Variants in KIF1B observed in about 807,000 individuals in gnomAD.
The protein encoded by KIF1B is kinesin family member 1B, also known as kinesin-like protein KIF1B.
KIF1B carries 76 observed loss-of-function variants against 241.9 expected under a neutral mutation model. That is an observed-to-expected ratio of 0.31 (90% CI 0.26 to 0.38). The LOEUF is 0.38. Among genes scored for constraint, KIF1B ranks in the 10% least tolerant of loss-of-function variants. The pLI is 1.00. For synonymous variants in KIF1B, 750 were observed against 796.7 expected, an observed-to-expected ratio of 0.94 and a Z score of 0.99; for missense variants, 1,622 against 2,271.4, an observed-to-expected ratio of 0.71 and a Z score of 5.81.
chr1:10,338,130 C>T (rs908316171), intron 31 of KIF1B, among the ~76,000 whole-genome samples: 10 of 152,068 alleles, frequency 6.6e-5, no homozygotes, highest in Non-Finnish European at 5.9e-5. Flanking sequence ...GTTTTAATAC[C>T]TCCAAACTTC....
chr1:10,294,317 G>T (rs1650152059), intron 17 of KIF1B, among the ~76,000 whole-genome samples: 1 of 151,944 alleles, frequency 6.6e-6, no homozygotes, highest in South Asian at 2.1e-4. Flanking sequence ...TTTCTTTAAG[G>T]TAAAGACTAA....
chr1:10,310,633 A>G (rs1030114011), intron 22 of KIF1B, among the ~76,000 whole-genome samples: 1 of 150,042 alleles, frequency 6.7e-6, no homozygotes, highest in African/African-American at 2.5e-5. Flanking sequence ...ATAAATATTT[A>G]TCTAAAAGAT....
At chr1:10,298,856 T>G (rs1391725111) in intron 22 of KIF1B, 1 of 151,672 alleles carries the variant, frequency 6.6e-6, no homozygotes, top group Non-Finnish European at 1.5e-5. Flanking sequence ...TTACCTCCAG[T>G]TGAGGAAACC....
chr1:10,344,310 C>T (rs1176834090), intron 34 of KIF1B, among the ~76,000 whole-genome samples: 1 of 152,180 alleles, frequency 6.6e-6, no homozygotes, highest in Non-Finnish European at 1.5e-5. Flanking sequence ...TGAATTAGCT[C>T]CACCTTAGAT....
rs1651460804 is a variant in KIF1B at position 10,320,055 on chromosome 1, A to C, written c.2128A>C (p.Lys710Gln). 6.2e-7 allele frequency: 1 copy of C among 1,611,928 alleles called. No homozygotes were observed. The highest frequency in any genetic ancestry group is 1.7e-5 in the Admixed American group (1 of 59,984). Reference sequence around the variant, plus strand: ...TCTTTTCATTCAGGACTATGAGAGTAAATTGCAGGCCTTGCAGAAGCAGGT... The same window carrying C: ...TCTTTTCATTCAGGACTATGAGAGTCAATTGCAGGCCTTGCAGAAGCAGGT... Reference protein sequence around the residue: ...LEQQRLDYESKLQALQKQVET... With the variant: ...LEQQRLDYESQLQALQKQVET... The change falls in exon 23 of 49, where the codon AAA (lysine) becomes CAA (glutamine). Residue 710 changes from lysine to glutamine, a missense_variant. This residue lies in a region of KIF1B where 803 missense variants were observed against 1,112.0 expected (regional missense o/e 0.72). Transcript: ENST00000676179.
In KIF1B at chr1:10,282,304, CTTCT is replaced by C; in HGVS notation, c.1223-13_1223-10del. ...CTTTTCCCTACTTTTCCTGCCTTCT[CTTCT>C]TTCTATCTCCCAGATCTGAAAGATT... On this transcript the variant is annotated splice_polypyrimidine_tract_variant and intron_variant, in intron 14 of 48. Transcript: ENST00000676179. 1 of 1,601,856 alleles carries C rather than the reference CTTCT, an allele frequency of 6.2e-7. No individual in the cohort carries two copies. Among genetic ancestry groups the C allele is most frequent in the South Asian group, 1.1e-5 (1 of 90,704 alleles).
chr1:10,339,112 A>T (rs1468368952), intron 31 of KIF1B, among the ~76,000 whole-genome samples: 2 of 152,174 alleles, frequency 1.3e-5, no homozygotes, highest in East Asian at 3.8e-4. Context: ...GAACGATAAC[A>T]TCTCACTATC....
chr1:10,371,357 C>T (rs1387505358), intron 45 of KIF1B, 95 bp downstream of exon 45: 1 of 1,438,556 alleles, frequency 7.0e-7, no homozygotes, highest in Non-Finnish European at 9.7e-7. Context: ...GAAGGCAGCA[C>T]CTTCTCCCTA....
intron 38 of KIF1B, among the ~76,000 whole-genome samples, chr1:10,355,606 A>G (rs1272050106): frequency 6.6e-6 from 1 of 152,166 alleles, no homozygotes; most frequent in Non-Finnish European, 1.5e-5. Context: ...TCCATTTGCT[A>G]AACTTGTCAG....
At position 10,325,352 on chromosome 1, in the gene KIF1B, A is replaced by AT. The variant is rs535523799; in HGVS notation, c.2675+467dup. 1.8e-4 allele frequency among the ~76,000 whole-genome samples: 26 copies of AT among 148,382 alleles called. 1 individual carries two copies. The East Asian group carries it at 2.9e-3, about 17-fold the overall frequency. On this transcript the variant is annotated intron_variant, in intron 26 of 48. Transcript: ENST00000676179. Reference sequence around the variant, plus strand: ...CACCTTGGTAGTCCCCTTCAGCCTCATTTTTTTTTTATACATTATTTCCAG... The same window carrying AT: ...CACCTTGGTAGTCCCCTTCAGCCTCATTTTTTTTTTTATACATTATTTCCAG...
At chr1:10,229,545 T>A (rs990443900) in intron 1 of KIF1B, among the ~76,000 whole-genome samples, 53 of 151,922 alleles carry the variant, frequency 3.5e-4, no homozygotes, top group African/African-American at 1.2e-3. Flanking sequence ...CAAATAGCGA[T>A]GATGCTATTA....
chr1:10,335,025 A>G (rs532305120), intron 28 of KIF1B, among the ~76,000 whole-genome samples: 3 of 150,174 alleles, frequency 2.0e-5, no homozygotes, highest in African/African-American at 7.4e-5. Context: ...TGCATCCTTC[A>G]CCTCCAGGCT....
Position 10,369,704 on chromosome 1 carries a change from G to A in KIF1B, c.4824+1166G>A, listed in dbSNP as rs180909723. Among the ~76,000 whole-genome samples, 40 of 152,308 alleles carry A rather than the reference G, an allele frequency of 2.6e-4. 1 individual carries two copies. In the East Asian group the frequency reaches 5.0e-3, roughly 19 times the overall value. On this transcript the variant is annotated intron_variant, in intron 44 of 48. Coordinates refer to ENST00000676179, the MANE Select transcript of KIF1B (RefSeq NM_001365951.3). Reference sequence around the variant, plus strand: ...TCCCAACACTTTGGGAGGCCAAGGCGGGAAGATCACCTGAGGTCGGGAGTT... The same window carrying A: ...TCCCAACACTTTGGGAGGCCAAGGCAGGAAGATCACCTGAGGTCGGGAGTT...
chr1:10,345,762 T>A (rs1336090267), intron 34 of KIF1B, 83 bp from the exon 35 acceptor site: 4 of 1,007,170 alleles, frequency 4.0e-6, no homozygotes, highest in Non-Finnish European at 6.2e-6. Flanking sequence ...AAGTATGTCT[T>A]TAAAGACTGA....
intron 15 of KIF1B, among the ~76,000 whole-genome samples, chr1:10,286,908 C>T (rs1649742554): frequency 6.6e-6 from 1 of 151,928 alleles, no homozygotes; most frequent in South Asian, 2.1e-4. Context: ...ATTTCTGAAC[C>T]ATGAATCCAC....
rs1429686410 is a variant in KIF1B, at chr1:10,379,543, C to CT, written c.*2957dup. The stretch of plus-strand genomic sequence containing the variant: ...TGTGGCAGGAACTGTTTATGAGGCT[C>CT]TAGTTGTTGCTGTTGTGGCGGGAAA... On this transcript the variant is annotated 3_prime_UTR_variant, in exon 49 of 49. Coordinates refer to ENST00000676179, the MANE Select transcript of KIF1B (RefSeq NM_001365951.3). 4.3e-6 allele frequency: 1 copy of CT among 231,780 alleles called. No homozygotes were observed. Among genetic ancestry groups the CT allele is most frequent in the Admixed American group, 5.6e-5 (1 of 17,744 alleles). 14.4% of individuals were successfully genotyped at this position (231,780 alleles called of 1,614,324 possible).
In KIF1B at chr1:10,337,601, G is replaced by C; in HGVS notation, c.3422+68G>C. On this transcript the variant is annotated intron_variant, in intron 31 of 48. Coordinates refer to ENST00000676179, the MANE Select transcript of KIF1B (RefSeq NM_001365951.3). This position sits in a 1 kb window ranked among gnomAD's most constrained non-coding sequence, Gnocchi z 4.0. The stretch of plus-strand genomic sequence containing the variant: ...GAGGTGACATCTCTTGTGCACTGTA[G>C]AGTGCTTTACATGTGTGAGGGATTA... 2 of 1,538,338 alleles carry C rather than the reference G, an allele frequency of 1.3e-6. No homozygotes were observed. The highest frequency in any genetic ancestry group is 2.2e-5 in the East Asian group (1 of 44,528).
intron 17 of KIF1B, 22 bp from the exon 18 acceptor site, chr1:10,295,064 G>A (rs760875400): frequency 1.3e-6 from 2 of 1,535,096 alleles, no homozygotes; most frequent in South Asian, 2.2e-5. Flanking sequence ...GCTCCAAATT[G>A]ATCATCTGTA....
At chr1:10,237,267 T>C (rs575401397) in intron 2 of KIF1B, among the ~76,000 whole-genome samples, 2 of 152,320 alleles carry the variant, frequency 1.3e-5, no homozygotes, top group East Asian at 1.9e-4. Flanking sequence ...GCATTTCTTA[T>C]TGTCTAATTA....
Sources: allele counts gnomAD v4.1 joint callset (sites outside exome capture counted in the v4.1 genomes callset), GRCh38; gene constraint gnomAD v4.1.1; regional missense constraint gnomAD v4.1.1; non-coding constraint Gnocchi (gnomAD v3.1); transcripts MANE v1.5; gene names NCBI Gene and HGNC (gene_info 2026-07-23, HGNC 2026-07-21).